The following TRDN variants were observed in gnomAD, a reference collection of about 807,000 sequenced individuals.
The protein encoded by TRDN is triadin in skeletal muscle.
Under a neutral mutation model 149.7 loss-of-function variants are expected in TRDN, and 161 were observed. The observed-to-expected ratio is 1.08, with a 90% CI of 0.95 to 1.23. The LOEUF (loss-of-function observed/expected upper bound fraction) is 1.23, where lower values mean the gene tolerates loss of function less well. Among genes scored for constraint, TRDN ranks in the 50% most tolerant of loss-of-function variants. TRDN has a pLI of 0.00. For synonymous variants in TRDN, 294 were observed against 250.5 expected (o/e 1.17, Z -1.64); for missense variants, 896 against 823.5 (o/e 1.09, Z -1.08).
At chr6:123,436,954 T>A (rs1024471079) in intron 12 of TRDN, among the ~76,000 whole-genome samples, 1 of 152,118 alleles carries the variant, frequency 6.6e-6, no homozygotes, top group African/African-American at 2.4e-5. Context: ...ATCACTGACA[T>A]CAGTGGAGGA....
chr6:123,499,719 A>AAAAAAAAAAAAAAAAAAATATATATAT, intron 8 of TRDN, among the ~76,000 whole-genome samples: 1 of 47,680 alleles, frequency 2.1e-5, no homozygotes, highest in African/African-American at 7.1e-5. Flanking sequence ...AAAAAAAAAA[A>AAAAAAAAAAAAAAAAAAATATATATAT]ATATATATAT....
chr6:123,580,183 A>G (rs1347919991), intron 1 of TRDN, among the ~76,000 whole-genome samples: 1 of 152,092 alleles, frequency 6.6e-6, no homozygotes, highest in Admixed American at 6.6e-5. Flanking sequence ...TGACCATTTC[A>G]GTCCATTTCA....
Position 123,282,899 on chromosome 6 carries a change from A to C in TRDN, c.1511-3817T>G, listed in dbSNP as rs1163321965. Among the ~76,000 whole-genome samples, 3 of 151,936 alleles carry C rather than the reference A, an allele frequency of 2.0e-5. No individual in the cohort carries two copies. In the East Asian group the frequency reaches 5.8e-4, roughly 29 times the overall value. On this transcript the variant is annotated intron_variant, in intron 24 of 40. Coordinates refer to ENST00000334268, the MANE Select transcript of TRDN (RefSeq NM_006073.4). ...AAAGATCTTCACTGGAAAAACTTTT[A>C]TTTAGGTGATCTTATAAAGACTCAT...
chr6:123,400,190 A>ATATATATATATATATATATATAT (rs1562295327), intron 12 of TRDN, among the ~76,000 whole-genome samples: 3 of 46,542 alleles, frequency 6.4e-5, no homozygotes, highest in Admixed American at 2.2e-4. Context: ...TATATATATA[A>ATATATATATATATATATATATAT]ACACACACAT....
chr6:123,332,995 A>G (rs1390205180), intron 22 of TRDN, among the ~76,000 whole-genome samples: 2 of 152,054 alleles, frequency 1.3e-5, no homozygotes, highest in Non-Finnish European at 2.9e-5. Flanking sequence ...TTGGTGACAA[A>G]TAAATGCCCA....
intron 1 of TRDN, among the ~76,000 whole-genome samples, chr6:123,608,972 T>C (rs367891371): frequency 9.2e-4 from 140 of 151,850 alleles, no homozygotes; most frequent in African/African-American, 3.2e-3. Flanking sequence ...CAGGAGGTCA[T>C]GACCAGCCTG....
At chr6:123,446,354 T>A (rs1775354731) in intron 10 of TRDN, among the ~76,000 whole-genome samples, 1 of 151,760 alleles carries the variant, frequency 6.6e-6, no homozygotes, top group Non-Finnish European at 1.5e-5. Flanking sequence ...ACCTGCACAA[T>A]GTGCACGTGT....
At chr6:123,408,670 CTT>C (rs1773298372) in intron 12 of TRDN, among the ~76,000 whole-genome samples, 1 of 125,594 alleles carries the variant, frequency 8.0e-6, no homozygotes, top group African/African-American at 3.1e-5. Flanking sequence ...AAGAGTGAGA[CTT>C]TTTCTCAAAA....
At chr6:123,501,705 C>T (rs1231971237) in intron 8 of TRDN, 3 of 397,580 alleles carry the variant, frequency 7.5e-6, no homozygotes, top group East Asian at 1.6e-4. Flanking sequence ...TTAGCAATTG[C>T]AATTGTTTAG....
intron 12 of TRDN, among the ~76,000 whole-genome samples, chr6:123,410,694 T>C (rs773984251): frequency 2.0e-5 from 3 of 152,052 alleles, no homozygotes; most frequent in Non-Finnish European, 4.4e-5. Context: ...TACATCACTG[T>C]TTATACATAT....
intron 7 of TRDN, among the ~76,000 whole-genome samples, chr6:123,511,197 A>C (rs1779167520): frequency 6.6e-6 from 1 of 152,116 alleles, no homozygotes; most frequent in African/African-American, 2.4e-5. Context: ...TCTTCTACAT[A>C]TACAGTTTTC....
At chr6:123,321,066 G>A (rs910317847) in intron 23 of TRDN, among the ~76,000 whole-genome samples, 1 of 152,056 alleles carries the variant, frequency 6.6e-6, no homozygotes, top group Non-Finnish European at 1.5e-5. Flanking sequence ...GTCAACCATA[G>A]GTGAATTTCA....
At chr6:123,543,076 A>G (rs1289368462) in intron 4 of TRDN, among the ~76,000 whole-genome samples, 2 of 152,174 alleles carry the variant, frequency 1.3e-5, no homozygotes, top group Non-Finnish European at 2.9e-5. Context: ...TATCAAATAT[A>G]CAATGCCCCA....
intron 38 of TRDN, among the ~76,000 whole-genome samples, chr6:123,234,198 G>A (rs1439066278): frequency 3.3e-5 from 5 of 151,880 alleles, no homozygotes; most frequent in African/African-American, 1.2e-4. Flanking sequence ...TGAATTTAGT[G>A]CTAATTTGTT....
intron 9 of TRDN, among the ~76,000 whole-genome samples, chr6:123,481,260 C>T (rs1777734310): frequency 6.6e-6 from 1 of 152,020 alleles, no homozygotes; most frequent in African/African-American, 2.4e-5. Flanking sequence ...TTTCACTCAC[C>T]AACCAACAAA....
chr6:123,484,169 G>T (rs575282653), intron 9 of TRDN, among the ~76,000 whole-genome samples: 163 of 152,044 alleles, frequency 1.1e-3, no homozygotes, highest in African/African-American at 3.7e-3. Flanking sequence ...ATAGAAAAGA[G>T]ATATTGTTTA....
intron 24 of TRDN, among the ~76,000 whole-genome samples, chr6:123,285,556 A>G (rs1777773313): frequency 6.6e-6 from 1 of 152,142 alleles, no homozygotes; most frequent in Non-Finnish European, 1.5e-5. Flanking sequence ...TCAAGGGCTT[A>G]AAACTAAGAC....
intron 7 of TRDN, among the ~76,000 whole-genome samples, chr6:123,508,006 C>T (rs959863916): frequency 6.8e-6 from 1 of 146,344 alleles, no homozygotes; most frequent in Non-Finnish European, 1.5e-5. Flanking sequence ...AAAAAAGAAT[C>T]GCCACTGTAA....
chr6:123,629,636 A>G (rs1272625221), intron 1 of TRDN, among the ~76,000 whole-genome samples: 1 of 152,110 alleles, frequency 6.6e-6, no homozygotes, highest in Non-Finnish European at 1.5e-5. Flanking sequence ...TCTAAACCAC[A>G]TATATTTAAA....
Sources: gnomAD v4.1 joint callset for allele counts (sites outside exome capture counted in the v4.1 genomes callset) on GRCh38, gnomAD v4.1.1 for gene constraint, MANE v1.5 for transcripts, NCBI Gene and HGNC (gene_info 2026-07-23, HGNC 2026-07-21) for gene names.